RGS7: variants seen among roughly 807,000 people sequenced by gnomAD.
RGS7 encodes regulator of G-protein signaling 7.
In RGS7, 27 loss-of-function variants were observed where a neutral mutation model predicts 81.1. The ratio of observed to expected loss-of-function variants is 0.33; its 90% CI spans 0.25 to 0.46. RGS7 has a LOEUF of 0.46. RGS7 is among the 20% of genes least tolerant of loss of function. RGS7 has a pLI of 1.00. For missense variants in RGS7, 396 were observed against 607.4 expected (o/e 0.65, Z 3.66); for synonymous variants, 208 against 207.7 (o/e 1.00, Z -0.01).
intron 2 of RGS7, among the ~76,000 whole-genome samples, chr1:241,159,928 C>T (rs1232615190): frequency 6.6e-6 from 1 of 151,780 alleles, no homozygotes; most frequent in East Asian, 1.9e-4. Context: ...TGGTAGAGCA[C>T]TTACAACTTT....
chr1:240,883,448 G>C (rs544202953), intron 6 of RGS7, among the ~76,000 whole-genome samples: 6 of 152,192 alleles, frequency 3.9e-5, no homozygotes, highest in Admixed American at 3.3e-4. Flanking sequence ...AAGGTGTGAC[G>C]GATACTCTCT....
intron 3 of RGS7, among the ~76,000 whole-genome samples, chr1:241,073,840 T>C (rs939496145): frequency 6.6e-6 from 1 of 152,224 alleles, no homozygotes; most frequent in Non-Finnish European, 1.5e-5. Flanking sequence ...AAGCCAAGTT[T>C]ATGCCGTACC....
chr1:240,827,508 C>A (rs774158397), intron 9 of RGS7, among the ~76,000 whole-genome samples: 2 of 152,148 alleles, frequency 1.3e-5, no homozygotes, highest in Non-Finnish European at 2.9e-5. Flanking sequence ...CACTCCTGGA[C>A]AAAGAGATAC....
At chr1:241,014,249 G>A (rs1459091310) in intron 3 of RGS7, among the ~76,000 whole-genome samples, 1 of 152,110 alleles carries the variant, frequency 6.6e-6, no homozygotes, top group Admixed American at 6.5e-5. Context: ...AGACTAGAGA[G>A]TCCCATGGTC....
intron 2 of RGS7, chr1:241,305,842 CT>C: frequency 3.2e-6 from 1 of 309,024 alleles, no homozygotes; most frequent in Non-Finnish European, 6.5e-6. Context: ...TCTTGGTCAC[CT>C]TGTGGCCTTT....
At chr1:241,356,166 C>A (rs1258161526) in intron 1 of RGS7, among the ~76,000 whole-genome samples, 1 of 150,210 alleles carries the variant, frequency 6.7e-6, no homozygotes, top group Non-Finnish European at 1.5e-5. Context: ...CCAATACTTG[C>A]ATCTGAACTT....
At chr1:241,232,623 T>C (rs1249759218) in intron 2 of RGS7, among the ~76,000 whole-genome samples, 1 of 151,944 alleles carries the variant, frequency 6.6e-6, no homozygotes. Context: ...TTGGCTGTTC[T>C]AGGTCATTTC....
At chr1:241,117,474 T>C (rs555071085) in intron 2 of RGS7, among the ~76,000 whole-genome samples, 33 of 152,282 alleles carry the variant, frequency 2.2e-4, no homozygotes, top group Middle Eastern at 3.4e-3. Context: ...TGAATGCCTG[T>C]TGTGGATTGT....
At chr1:241,097,094 G>A (rs568578179) in intron 3 of RGS7, among the ~76,000 whole-genome samples, 44 of 150,276 alleles carry the variant, frequency 2.9e-4, no homozygotes, top group African/African-American at 9.8e-4. Context: ...AAAGTGGAGC[G>A]TACAAGAGAT....
At chr1:241,205,815 A>C (rs956541821) in intron 2 of RGS7, among the ~76,000 whole-genome samples, 1 of 152,076 alleles carries the variant, frequency 6.6e-6, no homozygotes, top group African/African-American at 2.4e-5. Flanking sequence ...GCTCCTATGA[A>C]TAATACTAAT....
chr1:241,205,186 C>T (rs1044838161), intron 2 of RGS7, among the ~76,000 whole-genome samples: 5 of 150,664 alleles, frequency 3.3e-5, no homozygotes, highest in Admixed American at 6.6e-5. Context: ...AAGCGATTCT[C>T]CTGCCTCAGC....
At chr1:241,300,913 C>A (rs896118442) in intron 2 of RGS7, among the ~76,000 whole-genome samples, 3 of 152,210 alleles carry the variant, frequency 2.0e-5, no homozygotes, top group African/African-American at 7.2e-5. Flanking sequence ...TACATTCTTG[C>A]CAACATTCAG....
intron 6 of RGS7, chr1:240,920,256 G>T: frequency 7.9e-7 from 1 of 1,265,664 alleles, no homozygotes; most frequent in Non-Finnish European, 1.1e-6. Context: ...TGGAAACTTT[G>T]GTGGTGATCG....
chr1:240,977,857 C>T (rs763647314), intron 4 of RGS7, among the ~76,000 whole-genome samples: 5 of 152,162 alleles, frequency 3.3e-5, no homozygotes, highest in South Asian at 2.1e-4. Flanking sequence ...CTTCTCTCCC[C>T]GCAGTGGAGG....
intron 6 of RGS7, among the ~76,000 whole-genome samples, chr1:240,921,777 A>G (rs1222648757): frequency 6.6e-6 from 1 of 152,114 alleles, no homozygotes; most frequent in Non-Finnish European, 1.5e-5. Context: ...GGAAAGACAT[A>G]CCAAATATGT....
chr1:240,993,571 G>GT (rs1161677392), intron 3 of RGS7, among the ~76,000 whole-genome samples: 2 of 150,904 alleles, frequency 1.3e-5, no homozygotes, highest in African/African-American at 4.9e-5. Flanking sequence ...TTTTGCTATT[G>GT]TTTTTTCAGT....
intron 2 of RGS7, among the ~76,000 whole-genome samples, chr1:241,242,871 T>C (rs1007210498): frequency 3.9e-5 from 6 of 152,256 alleles, no homozygotes; most frequent in Non-Finnish European, 7.3e-5. Context: ...TTGTACATTC[T>C]GGATATTAGT....
At chr1:241,214,422 G>GT (rs1013304264) in intron 2 of RGS7, among the ~76,000 whole-genome samples, 40 of 148,782 alleles carry the variant, frequency 2.7e-4, no homozygotes, top group East Asian at 3.9e-4. Flanking sequence ...AATATATAAT[G>GT]TTTTTTTTTT....
chr1:241,176,881 A>G (rs2071188306), intron 2 of RGS7, among the ~76,000 whole-genome samples: 1 of 152,172 alleles, frequency 6.6e-6, no homozygotes, highest in African/African-American at 2.4e-5. Context: ...GGCACTCTTC[A>G]GCAAAAGGAC....
Sources: gnomAD v4.1 joint callset for allele counts (sites outside exome capture counted in the v4.1 genomes callset) on GRCh38, gnomAD v4.1.1 for gene constraint, MANE v1.5 for transcripts, NCBI Gene and HGNC (gene_info 2026-07-23, HGNC 2026-07-21) for gene names.